The following CALN1 variants were observed in gnomAD, a reference collection of about 807,000 sequenced individuals.
The protein encoded by CALN1 is calcium-binding protein 8.
A neutral mutation model predicts 30.6 loss-of-function variants in CALN1; 17 were observed. That is an observed-to-expected ratio of 0.56 (90% CI 0.38 to 0.83). The LOEUF (loss-of-function observed/expected upper bound fraction) is 0.83, where lower values mean the gene tolerates loss of function less well. Among genes scored for constraint, CALN1 ranks in the 40% least tolerant of loss-of-function variants. CALN1 has a pLI of 0.00. For synonymous variants in CALN1, 156 were observed against 131.4 expected, an observed-to-expected ratio of 1.19 and a Z score of -1.28; for missense variants, 291 against 354.9, an observed-to-expected ratio of 0.82 and a Z score of 1.45.
chr7:71,986,904 G>A (rs1171922598), intron 5 of CALN1, among the ~76,000 whole-genome samples: 2 of 152,180 alleles, frequency 1.3e-5, no homozygotes, highest in African/African-American at 4.8e-5. Flanking sequence ...GAGGCAGGCA[G>A]ATCACTTGAG....
At chr7:72,252,759 A>C (rs1384509544) in intron 3 of CALN1, among the ~76,000 whole-genome samples, 1 of 151,450 alleles carries the variant, frequency 6.6e-6, no homozygotes, top group Non-Finnish European at 1.5e-5. Context: ...TGCTACTCCT[A>C]CTCCTGTTCC....
chr7:71,816,748 T>A (rs1202352633), intron 5 of CALN1, among the ~76,000 whole-genome samples: 4 of 152,028 alleles, frequency 2.6e-5, no homozygotes, highest in Non-Finnish European at 5.9e-5. Flanking sequence ...AGGAGTTCGA[T>A]CACGAGGTCA....
chr7:72,232,962 GCATGTTTAGCATGTAA>G (rs536534345), intron 3 of CALN1, among the ~76,000 whole-genome samples: 122 of 151,830 alleles, frequency 8.0e-4, no homozygotes, highest in African/African-American at 2.6e-3. Flanking sequence ...GCATAAATTA[GCATGTTTAGCATGTAA>G]CATGTTTAGC....
the CALN1 span, among the ~76,000 whole-genome samples, chr7:72,480,564 T>A: frequency 6.6e-6 from 1 of 152,198 alleles, no homozygotes; most frequent in African/African-American, 2.4e-5. Flanking sequence ...GTGGTATTGG[T>A]ATTTTTTCTT....
chr7:72,086,814 G>A (rs1444264334), intron 4 of CALN1, among the ~76,000 whole-genome samples: 1 of 152,162 alleles, frequency 6.6e-6, no homozygotes, highest in African/African-American at 2.4e-5. Flanking sequence ...AGGATATAGA[G>A]AGAGAAGCTC....
chr7:72,023,541 C>T (rs149469585), intron 5 of CALN1, 116 bp downstream of exon 5: 15 of 591,564 alleles, frequency 2.5e-5, no homozygotes, highest in African/African-American at 2.2e-4. Flanking sequence ...GAACATATGT[C>T]GCTCAGCCCA....
At chr7:72,483,266 T>C in the CALN1 span, among the ~76,000 whole-genome samples, 1 of 119,420 alleles carries the variant, frequency 8.4e-6, no homozygotes, top group African/African-American at 4.8e-5. Context: ...TTGGTTTTTT[T>C]CCTTTTTCTT....
the CALN1 span, among the ~76,000 whole-genome samples, chr7:72,482,621 T>G: frequency 6.6e-6 from 1 of 152,174 alleles, no homozygotes; most frequent in African/African-American, 2.4e-5. Context: ...TATAATAGTA[T>G]TCTTCAATTT....
intron 5 of CALN1, among the ~76,000 whole-genome samples, chr7:71,888,647 C>T (rs1793060938): frequency 6.6e-6 from 1 of 152,020 alleles, no homozygotes; most frequent in African/African-American, 2.4e-5. Flanking sequence ...GAACAGAAAG[C>T]ATATGGCAAT....
At position 71,787,680 on chromosome 7, in the gene CALN1, C is replaced by A. The variant is rs114333930; in HGVS notation, c.*95G>T. ...TCCATCGTCCGCATCCATCCATAGT[C>A]CATAGGTCCGTGTCTGCTGTGTGGA... On this transcript the variant is annotated 3_prime_UTR_variant, in exon 7 of 7. Transcript: ENST00000395275. 1.6e-5 allele frequency: 24 copies of A among 1,531,504 alleles called. No individual in the cohort carries two copies. The East Asian group carries it at 5.3e-4, about 34-fold the overall frequency. 94.9% of individuals were successfully genotyped at this position (1,531,504 alleles called of 1,614,324 possible). A position where few individuals can be genotyped will look rare whatever the true frequency, so the allele number is the denominator to read the frequency against.
intron 4 of CALN1, among the ~76,000 whole-genome samples, chr7:72,080,600 T>C (rs756569295): frequency 1.3e-5 from 2 of 152,198 alleles, no homozygotes; most frequent in Non-Finnish European, 2.9e-5. Flanking sequence ...CCTAGTGTAC[T>C]GTGCCCTGGG....
intron 2 of CALN1, among the ~76,000 whole-genome samples, chr7:72,358,355 A>ATCTT (rs1267763710): frequency 6.6e-6 from 1 of 151,984 alleles, no homozygotes; most frequent in African/African-American, 2.4e-5. Flanking sequence ...CTGGATCTCT[A>ATCTT]TATTTCCTCG....
At chr7:72,280,996 T>C (rs528454664) in intron 2 of CALN1, among the ~76,000 whole-genome samples, 2 of 152,010 alleles carry the variant, frequency 1.3e-5, no homozygotes, top group African/African-American at 4.8e-5. Flanking sequence ...TACAAAAAAT[T>C]AGCTGGACAT....
At chr7:72,452,916 T>C in the CALN1 span, among the ~76,000 whole-genome samples, 1 of 152,152 alleles carries the variant, frequency 6.6e-6, no homozygotes, top group East Asian at 1.9e-4. Context: ...CCACAATTAC[T>C]AGTGCTCCTA....
At chr7:72,062,391 A>G (rs1398628847) in intron 4 of CALN1, among the ~76,000 whole-genome samples, 1 of 151,876 alleles carries the variant, frequency 6.6e-6, no homozygotes, top group Non-Finnish European at 1.5e-5. Flanking sequence ...GTATGCCTGT[A>G]GTCCCAGCTA....
At chr7:71,909,211 C>T (rs998274620) in intron 5 of CALN1, among the ~76,000 whole-genome samples, 14 of 152,160 alleles carry the variant, frequency 9.2e-5, no homozygotes, top group African/African-American at 3.1e-4. Flanking sequence ...TAGGGTCTTG[C>T]TGTGTTGCCC....
chr7:72,135,037 C>A (rs1231180536), intron 3 of CALN1, among the ~76,000 whole-genome samples: 1 of 152,234 alleles, frequency 6.6e-6, no homozygotes, highest in Non-Finnish European at 1.5e-5. Context: ...AGCAACTCCG[C>A]ATCCATTCAA....
At chr7:72,038,991 C>G (rs1801967536) in intron 4 of CALN1, among the ~76,000 whole-genome samples, 1 of 152,184 alleles carries the variant, frequency 6.6e-6, no homozygotes, top group Non-Finnish European at 1.5e-5. Context: ...TATGGACTCA[C>G]CCCACAATCT....
At chr7:72,459,087 T>TTTTCAGTA in the CALN1 span, among the ~76,000 whole-genome samples, 2 of 151,114 alleles carry the variant, frequency 1.3e-5, no homozygotes, top group African/African-American at 4.9e-5. Context: ...AAATTTTGTA[T>TTTTCAGTA]GAGACGGGGT....
Sources: allele counts gnomAD v4.1 joint callset (sites outside exome capture counted in the v4.1 genomes callset), GRCh38; gene constraint gnomAD v4.1.1; transcripts MANE v1.5; gene names NCBI Gene and HGNC (gene_info 2026-07-23, HGNC 2026-07-21).